Variants in NTRK3 observed in about 807,000 individuals in gnomAD.
The protein encoded by NTRK3 is neurotrophic receptor tyrosine kinase 3.
NTRK3 carries 24 observed loss-of-function variants against 91.7 expected under a neutral mutation model. The ratio of observed to expected loss-of-function variants is 0.26; its 90% confidence interval spans 0.19 to 0.37. NTRK3 has a LOEUF of 0.37. Ranked by LOEUF, NTRK3 falls within the 10% of genes least tolerant of loss-of-function variation. The pLI is 1.00. For missense variants in NTRK3, 880 were observed against 1,068.9 expected, an observed-to-expected ratio of 0.82 and a Z score of 2.46; for synonymous variants, 483 against 404.0, an observed-to-expected ratio of 1.20 and a Z score of -2.34.
chr15:87,954,520 C>T (rs1038403294), intron 14 of NTRK3, among the ~76,000 whole-genome samples: 2 of 152,010 alleles, frequency 1.3e-5, no homozygotes, highest in African/African-American at 4.8e-5. Context: ...ATGACTTAGG[C>T]AGAATGAGTT....
chr15:88,076,770 A>G (rs1366905172), intron 13 of NTRK3, among the ~76,000 whole-genome samples: 2 of 151,832 alleles, frequency 1.3e-5, no homozygotes, highest in Non-Finnish European at 2.9e-5. Flanking sequence ...GCCTAACATT[A>G]TCCAGCAAGC....
At position 88,089,851 on chromosome 15, in the gene NTRK3, A is replaced by G. The variant is rs2048855053; in HGVS notation, c.1396+36420T>C. Among the ~76,000 whole-genome samples, 4 of 151,972 alleles carry G rather than the reference A, an allele frequency of 2.6e-5. No individual in the cohort carries two copies. In the South Asian group the frequency reaches 8.3e-4, roughly 32 times the overall value. ...CCCTCCCCTGCGTTACACCCTCCAC[A>G]GTCTCCCCACCTGCTTAAATGGCTG... On this transcript the variant is annotated intron_variant, in intron 13 of 18. Transcript: ENST00000394480.
intron 14 of NTRK3, chr15:87,981,295 G>C: frequency 1.3e-6 from 2 of 1,592,540 alleles, no homozygotes; most frequent in Non-Finnish European, 8.6e-7. Flanking sequence ...TGAGTTGATG[G>C]GACTAGATGA....
intron 14 of NTRK3, among the ~76,000 whole-genome samples, chr15:88,015,288 G>A (rs888534972): frequency 6.6e-6 from 1 of 152,154 alleles, no homozygotes; most frequent in African/African-American, 2.4e-5. Context: ...GAATAAATTC[G>A]TAATTATTGT....
intron 13 of NTRK3, among the ~76,000 whole-genome samples, chr15:88,094,084 C>T (rs1216415760): frequency 1.3e-5 from 2 of 152,134 alleles, no homozygotes; most frequent in African/African-American, 2.4e-5. Flanking sequence ...CACTGTGTGG[C>T]TCCTTGGCAA....
At chr15:87,963,866 T>C (rs1007761300) in intron 14 of NTRK3, among the ~76,000 whole-genome samples, 1 of 152,220 alleles carries the variant, frequency 6.6e-6, no homozygotes, top group South Asian at 2.1e-4. Context: ...TACGGCTTTA[T>C]GTTAATATTA....
At chr15:87,955,521 G>A (rs1348778633) in intron 14 of NTRK3, among the ~76,000 whole-genome samples, 1 of 152,234 alleles carries the variant, frequency 6.6e-6, no homozygotes, top group East Asian at 1.9e-4. Context: ...GAGTGACCTT[G>A]CTGAGTGCCG....
chr15:88,169,562 A>G (rs2151492744), intron 5 of NTRK3, among the ~76,000 whole-genome samples: 1 of 152,286 alleles, frequency 6.6e-6, no homozygotes, highest in South Asian at 2.1e-4. Flanking sequence ...CTGCTGCCTC[A>G]GTGAGAGAGA....
In NTRK3 at chr15:88,042,135, C is replaced by T. The variant is rs1417493500; in HGVS notation, c.1397-9090G>A. Among the ~76,000 whole-genome samples, 3 of 152,086 alleles carry T rather than the reference C, an allele frequency of 2.0e-5. No individual in the cohort carries two copies. In the South Asian group the frequency reaches 6.2e-4, roughly 32 times the overall value. ...CAAACACTGACATGTCCCTGGTGGG[C>T]GAGAGCTTCGCATCAACAAATCTGG... On this transcript the variant is annotated intron_variant, in intron 13 of 18. Coordinates refer to ENST00000394480, the Ensembl canonical transcript of NTRK3.
intron 14 of NTRK3, among the ~76,000 whole-genome samples, chr15:87,989,844 G>C (rs567372670): frequency 2.6e-5 from 4 of 151,958 alleles, no homozygotes; most frequent in Non-Finnish European, 5.9e-5. Context: ...TGACCTCAAG[G>C]GATGCGCCCA....
intron 17 of NTRK3, among the ~76,000 whole-genome samples, chr15:87,892,083 AAC>A (rs58946187): frequency 0.045 from 6,419 of 141,236 alleles, 204 homozygotes; most frequent in African/African-American, 0.094. Flanking sequence ...CCCCATCCCC[AAC>A]ACACACACAC....
At chr15:88,107,976 C>G (rs4887359) in intron 13 of NTRK3, among the ~76,000 whole-genome samples, 93,082 of 151,776 alleles carry the variant, frequency 0.61, 29,789 homozygotes, top group African/African-American at 0.8. Context: ...TAGAGATACA[C>G]TGTTGGGCAG....
chr15:87,962,218 C>T (rs2072366731), intron 14 of NTRK3, among the ~76,000 whole-genome samples: 1 of 152,146 alleles, frequency 6.6e-6, no homozygotes, highest in Non-Finnish European at 1.5e-5. Context: ...CTTGTCTTGC[C>T]CGTGCATATG....
intron 17 of NTRK3, among the ~76,000 whole-genome samples, chr15:87,921,713 C>T (rs2067891414): frequency 6.6e-6 from 1 of 152,152 alleles, no homozygotes; most frequent in African/African-American, 2.4e-5. Flanking sequence ...GGGGACTGCG[C>T]ATGGGGCCAC....
At chr15:88,129,252 T>C (rs147936522) in intron 10 of NTRK3, among the ~76,000 whole-genome samples, 3 of 152,342 alleles carry the variant, frequency 2.0e-5, no homozygotes, top group African/African-American at 7.2e-5. Context: ...AACATGTTAT[T>C]TGATCTTTGG....
intron 13 of NTRK3, among the ~76,000 whole-genome samples, chr15:88,091,239 C>T (rs1187120027): frequency 6.6e-6 from 1 of 152,128 alleles, no homozygotes; most frequent in East Asian, 1.9e-4. Flanking sequence ...GAAAGACCAG[C>T]AAAAATGCTG....
chr15:87,876,695 TGATA>T (rs1445923529), exon 19 of NTRK3: 25 of 220,570 alleles, frequency 1.1e-4, no homozygotes, highest in South Asian at 1.8e-4. Context: ...AGATATAGAT[TGATA>T]GATAGTTAGA....
At chr15:88,109,803 C>A (rs537823722) in intron 13 of NTRK3, among the ~76,000 whole-genome samples, 2 of 152,026 alleles carry the variant, frequency 1.3e-5, no homozygotes, top group South Asian at 2.1e-4. Context: ...GATCCCCATG[C>A]GATTCTACCA....
At chr15:88,191,810 G>T (rs2047419515) in intron 3 of NTRK3, among the ~76,000 whole-genome samples, 1 of 152,236 alleles carries the variant, frequency 6.6e-6, no homozygotes, top group Admixed American at 6.5e-5. Flanking sequence ...GGCATCAAGG[G>T]GGCTGGGAAG....
Sources: allele counts gnomAD v4.1 joint callset (sites outside exome capture counted in the v4.1 genomes callset), GRCh38; gene constraint gnomAD v4.1.1; transcripts MANE v1.5; gene names NCBI Gene and HGNC (gene_info 2026-07-23, HGNC 2026-07-21).